MRPL4: variants seen among roughly 807,000 people sequenced by gnomAD.
The protein encoded by MRPL4 is large ribosomal subunit protein uL4m.
Under a neutral mutation model 34.1 loss-of-function variants are expected in MRPL4, and 34 were observed. The observed-to-expected ratio is 1.00, with a 90% CI of 0.76 to 1.33. The LOEUF (loss-of-function observed/expected upper bound fraction) is 1.33. MRPL4 is among the 40% of genes most tolerant of loss of function. The pLI, the probability that MRPL4 is intolerant of heterozygous loss-of-function variation, is 0.00. For missense variants in MRPL4, 402 were observed against 434.6 expected (o/e 0.92, Z 0.67); for synonymous variants, 196 against 188.3 (o/e 1.04, Z -0.33).
At position 10,258,687 on chromosome 19, in the gene MRPL4, T is replaced by C. The variant is rs781198387; in HGVS notation, c.739+2T>C. Reference sequence around the variant, plus strand: ...CCTTCAACTTGATCCCGGCTGTTGGTGAGCAAAGAGCCCAGGCCCCTAGAG... The same window carrying C: ...CCTTCAACTTGATCCCGGCTGTTGGCGAGCAAAGAGCCCAGGCCCCTAGAG... On this transcript the variant is annotated splice_donor_variant, in intron 8 of 8. Coordinates refer to ENST00000253099, the MANE Select transcript of MRPL4 (RefSeq NM_015956.3). LOFTEE classifies it high-confidence loss of function. 1.2e-6 allele frequency: 2 copies of C among 1,614,100 alleles called. No homozygotes were observed. Among genetic ancestry groups the C allele is most frequent in the Non-Finnish European group, 1.7e-6 (2 of 1,180,026 alleles).
rs551220503 is a variant in MRPL4, at chr19:10,258,603, T to C, written c.663-6T>C. The C allele has an allele frequency of 1.2e-5, 19 of 1,614,160 alleles. No individual in the cohort carries two copies. The East Asian group carries it at 2.0e-4, about 17-fold the overall frequency. ...TTCAACCCCCACTCCCTGGCCTCTC[T>C]TACAGAACACACGAGGAGATGCCAC... On this transcript the variant is annotated splice_polypyrimidine_tract_variant and splice_region_variant and intron_variant, in intron 7 of 8. Coordinates refer to ENST00000253099, the MANE Select transcript of MRPL4 (RefSeq NM_015956.3).
In MRPL4 at chr19:10,252,394, C is replaced by T; in HGVS notation, c.58-3C>T. 6.2e-7 allele frequency: 1 copy of T among 1,614,098 alleles called. No individual in the cohort carries two copies. Among genetic ancestry groups the T allele is most frequent in the Non-Finnish European group, 8.5e-7 (1 of 1,179,962 alleles). On this transcript the variant is annotated splice_region_variant and splice_polypyrimidine_tract_variant and intron_variant, in intron 1 of 8. Coordinates refer to ENST00000253099, the MANE Select transcript of MRPL4 (RefSeq NM_015956.3). The stretch of plus-strand genomic sequence containing the variant: ...GTCTCTCACTTTCGCCCAACCCTTG[C>T]AGGGCCTGAGTTCCCTGGCGGAAGA...
Position 10,253,607 on chromosome 19 carries a change from A to G in MRPL4, c.275+906A>G, listed in dbSNP as rs201581893. Among the ~76,000 whole-genome samples, 21 of 152,144 alleles carry G rather than the reference A, an allele frequency of 1.4e-4. 1 individual carries two copies. The East Asian group carries it at 3.5e-3, about 25-fold the overall frequency. ...GGAGTTGCAGACCAGCCTGGCCAAC[A>G]TGATGAAACCCCGTCTCTACCAAAA... is the stretch of plus-strand genomic sequence containing the variant. On this transcript the variant is annotated intron_variant, in intron 3 of 8. Transcript: ENST00000253099.
chr19:10,256,440 C>G (rs2039852162), intron 4 of MRPL4, among the ~76,000 whole-genome samples: 1 of 151,968 alleles, frequency 6.6e-6, no homozygotes, highest in Non-Finnish European at 1.5e-5. Context: ...CAGAGTGAGA[C>G]TGCCTCAAAA....
At chr19:10,257,489 C>A (rs1292871872) in intron 5 of MRPL4, among the ~76,000 whole-genome samples, 6 of 152,036 alleles carry the variant, frequency 3.9e-5, no homozygotes, top group African/African-American at 1.4e-4. Context: ...ACCCTGATTT[C>A]TTCTACAGCT....
rs1391486187 is a variant in MRPL4, at chr19:10,252,643, G to T, written c.217G>T (p.Glu73Ter). Residue 73 changes from glutamate (E) to a stop codon, truncating the protein, a stop_gained, in exon 3 of 9, where the codon GAG becomes TAG. Transcript: ENST00000253099. LOFTEE classifies it high-confidence loss of function. Reference protein sequence around the residue: ...QAWVESLRGFEQERVGLADLH... With the variant: ...QAWVESLRGF ...CTGGGTCGAGTCCTTGCGGGGCTTC[G>T]AGCAGGAGCGCGTGGGCCTGGCCGA... 2 of 1,609,774 alleles carry T rather than the reference G, an allele frequency of 1.2e-6. No individual in the cohort carries two copies. The highest frequency in any genetic ancestry group is 2.2e-5 in the East Asian group (1 of 44,872).
rs1317710803 is a variant in MRPL4 at position 10,258,440 on chromosome 19, G to A, written c.580G>A (p.Glu194Lys). Residue 194 changes from glutamate (E) to lysine (K), a missense_variant, in exon 7 of 9, where the codon GAG becomes AAG. Transcript: ENST00000253099. ...QDDLHIMDSL[E>K]LPTGDPQYLT... is the part of the protein sequence containing the mutation. Reference sequence around the variant, plus strand: ...CGACCTGCACATCATGGACTCCCTAGAGCTGCCCACCGGAGACCCACAGTA... The same window carrying A: ...CGACCTGCACATCATGGACTCCCTAAAGCTGCCCACCGGAGACCCACAGTA... 6.2e-6 allele frequency: 10 copies of A among 1,613,942 alleles called. No homozygotes were observed. The East Asian group carries it at 2.2e-4, about 36-fold the overall frequency.
At chr19:10,259,556 G>T (rs2039889416) in intron 8 of MRPL4, 61 bp from the exon 9 acceptor site, 2 of 1,542,410 alleles carry the variant, frequency 1.3e-6, no homozygotes, top group South Asian at 1.2e-5. Context: ...TGTGGGTGGG[G>T]TGAGGAGAGA....
chr19:10,258,409 C>T lies in MRPL4; in HGVS notation c.553-4C>T, dbSNP rs2145474166. ...GGGTTCAAACCATCCTTTCCTTCCACCAGGACGACCTGCACATCATGGACT... is the reference window on the plus strand; with the variant it reads ...GGGTTCAAACCATCCTTTCCTTCCATCAGGACGACCTGCACATCATGGACT... On this transcript the variant is annotated splice_polypyrimidine_tract_variant and splice_region_variant and intron_variant, in intron 6 of 8. Transcript: ENST00000253099. The T allele has an allele frequency of 2.5e-6, 4 of 1,614,072 alleles. No individual in the cohort carries two copies. The South Asian group carries it at 4.4e-5, about 18-fold the overall frequency.
At chr19:10,252,012 C>T (rs948870328), upstream of MRPL4, 1 of 530,122 alleles carries the variant, frequency 1.9e-6, no homozygotes, top group Non-Finnish European at 3.3e-6. Context: ...GCTGTGAGGT[C>T]GCGTTCCCCA....
chr19:10,256,843 AGGGGGCGGGGAGGGGTGGG>A lies in MRPL4; in HGVS notation c.445+23_445+41del. On this transcript the variant is annotated intron_variant, in intron 5 of 8. Coordinates refer to ENST00000253099, the MANE Select transcript of MRPL4 (RefSeq NM_015956.3). ...GCGAGGAGGTAACAGGACAGGGTGG[AGGGGGCGGGGAGGGGTGGG>A]GGGGCCAGGGAAGGGCCTGGGTGTT... The A allele has an allele frequency of 6.2e-5, 3 of 48,160 alleles. No individual in the cohort carries two copies. The highest frequency in any genetic ancestry group is 1.1e-4 in the Non-Finnish European group (3 of 26,336). 3.0% of individuals were successfully genotyped at this position (48,160 alleles called of 1,614,324 possible).
At chr19:10,256,224 T>G (rs1294912085) in intron 4 of MRPL4, among the ~76,000 whole-genome samples, 1 of 151,868 alleles carries the variant, frequency 6.6e-6, no homozygotes, top group African/African-American at 2.4e-5. Flanking sequence ...AGGCGGAGGT[T>G]GCAGTGAGCC....
chr19:10,256,857 G>GGGGGGGA, intron 5 of MRPL4, 32 bp downstream of exon 5: 1 of 1,145,914 alleles, frequency 8.7e-7, no homozygotes, highest in Non-Finnish European at 1.2e-6. Context: ...GGCGGGGAGG[G>GGGGGGGA]GTGGGGGGGC....
chr19:10,259,192 C>T, intron 8 of MRPL4: 6 of 1,301,218 alleles, frequency 4.6e-6, no homozygotes, highest in Non-Finnish European at 5.8e-6. Context: ...GCGACATGAG[C>T]CTAAGTCAAG....
rs555848925 is a variant in MRPL4 at position 10,259,838 on chromosome 19, G to A, written c.*25G>A. 1 of 1,578,056 alleles carries A rather than the reference G, an allele frequency of 6.3e-7. No homozygotes were observed. The highest frequency in any genetic ancestry group is 1.1e-5 in the South Asian group (1 of 88,764). Reference sequence around the variant, plus strand: ...ATGTGAAGCACCTCTTCTGAGCCAGGCCGAGCCCCTGGCCGACTTGGGAGC... The same window carrying A: ...ATGTGAAGCACCTCTTCTGAGCCAGACCGAGCCCCTGGCCGACTTGGGAGC... On this transcript the variant is annotated 3_prime_UTR_variant, in exon 9 of 9. Coordinates refer to ENST00000253099, the MANE Select transcript of MRPL4 (RefSeq NM_015956.3).
Position 10,254,864 on chromosome 19 carries a change from G to A in MRPL4, c.327+224G>A, listed in dbSNP as rs2039834066. The A allele has an allele frequency of 1.4e-5, 5 of 367,562 alleles. No individual in the cohort carries two copies. In the South Asian group the frequency reaches 1.8e-4, roughly 14 times the overall value. The allele number at this position is 367,562 out of a possible 1,614,324, so 22.8% of individuals were successfully genotyped here. ...CTGTCACCCAGGCTGGAGTGCAGTG[G>A]CGCAATCTTGGTTCACTGCAACCTC... On this transcript the variant is annotated intron_variant, in intron 4 of 8. Transcript: ENST00000253099.
At chr19:10,252,055 A>C, upstream of MRPL4, 1 of 595,654 alleles carries the variant, frequency 1.7e-6, no homozygotes, top group Non-Finnish European at 2.8e-6. Flanking sequence ...CAGGAGTGAA[A>C]ATTGGGTCTG....
chr19:10,253,212 C>T (rs10405785), intron 3 of MRPL4, among the ~76,000 whole-genome samples: 2,192 of 152,248 alleles, frequency 0.014, 42 homozygotes, highest in African/African-American at 0.045. Context: ...CGCAGTGGCT[C>T]ACGCCTGTAA....
At chr19:10,256,556 C>T (rs1157357004) in intron 4 of MRPL4, 152 bp from the exon 5 acceptor site, 1 of 616,022 alleles carries the variant, frequency 1.6e-6, no homozygotes, top group South Asian at 2.3e-5. Flanking sequence ...ACTTCTTTAC[C>T]CTCCCCCTCG....
Sources: allele counts gnomAD v4.1 joint callset (sites outside exome capture counted in the v4.1 genomes callset), GRCh38; gene constraint gnomAD v4.1.1; transcripts MANE v1.5; gene names NCBI Gene and HGNC (gene_info 2026-07-23, HGNC 2026-07-21).